UBTD2: variants seen among roughly 807,000 people sequenced by gnomAD.
UBTD2 encodes the protein ubiquitin domain containing 2, also known as ubiquitin domain-containing protein 2.
UBTD2 carries 9 observed loss-of-function variants against 19.8 expected under a neutral mutation model. The ratio of observed to expected loss-of-function variants is 0.46; its 90% CI spans 0.27 to 0.79. The LOEUF (loss-of-function observed/expected upper bound fraction) is 0.79, where lower values mean the gene tolerates loss of function less well. UBTD2 is among the 30% of genes least tolerant of loss of function. The pLI is 0.14. For synonymous variants in UBTD2, 98 were observed against 103.9 expected (o/e 0.94, Z 0.35); for missense variants, 250 against 300.4 (o/e 0.83, Z 1.24).
At chr5:172,269,912 C>T (rs1755451148) in intron 1 of UBTD2, among the ~76,000 whole-genome samples, 2 of 151,558 alleles carry the variant, frequency 1.3e-5, no homozygotes, top group South Asian at 2.1e-4. Flanking sequence ...TCCGTCTCTA[C>T]TAAAAATACA....
chr5:172,259,067 A>G (rs1755215110), intron 1 of UBTD2, among the ~76,000 whole-genome samples: 1 of 152,000 alleles, frequency 6.6e-6, no homozygotes, highest in Non-Finnish European at 1.5e-5. Context: ...ATTCAGTATG[A>G]TGTTGCTGTG....
intron 2 of UBTD2, among the ~76,000 whole-genome samples, chr5:172,224,525 A>C (rs544841646): frequency 1.7e-4 from 26 of 152,134 alleles, no homozygotes; most frequent in African/African-American, 6.0e-4. Context: ...TCCTGACTTC[A>C]AGTGACCTGC....
chr5:172,253,943 G>C (rs1340580563), intron 1 of UBTD2, among the ~76,000 whole-genome samples: 2 of 152,054 alleles, frequency 1.3e-5, no homozygotes, highest in African/African-American at 4.8e-5. Context: ...TCATTCTTTA[G>C]GTCTTACCCA....
chr5:172,282,894 C>T (rs1755747156), intron 1 of UBTD2, among the ~76,000 whole-genome samples: 1 of 152,142 alleles, frequency 6.6e-6, no homozygotes, highest in Non-Finnish European at 1.5e-5. Flanking sequence ...GTACTTTTAT[C>T]CTACATATTT....
At chr5:172,255,032 C>T in intron 1 of UBTD2, 1 of 544,460 alleles carries the variant, frequency 1.8e-6, no homozygotes, top group East Asian at 4.6e-5. Context: ...GCTCCATATT[C>T]TGTGCCAGGA....
intron 1 of UBTD2, among the ~76,000 whole-genome samples, chr5:172,251,615 C>A (rs1755021659): frequency 1.5e-5 from 2 of 131,136 alleles, no homozygotes; most frequent in African/African-American, 2.9e-5. Context: ...TGGGTATGTT[C>A]AAAGTGCAAT....
intron 1 of UBTD2, among the ~76,000 whole-genome samples, chr5:172,259,538 TA>T (rs1363271024): frequency 1.3e-5 from 2 of 151,930 alleles, no homozygotes; most frequent in African/African-American, 4.8e-5. Context: ...ATTAATACAA[TA>T]AAAAACATAT....
intron 2 of UBTD2, among the ~76,000 whole-genome samples, chr5:172,213,723 G>C (rs1232980642): frequency 6.6e-6 from 1 of 152,160 alleles, no homozygotes; most frequent in African/African-American, 2.4e-5. Flanking sequence ...GCTGAGACTA[G>C]GTGTGTAAAC....
intron 1 of UBTD2, among the ~76,000 whole-genome samples, chr5:172,240,127 T>C (rs979032638): frequency 1.8e-4 from 28 of 152,182 alleles, no homozygotes; most frequent in Non-Finnish European, 3.8e-4. Context: ...AAGGAAAAGC[T>C]AACAAAGGAG....
chr5:172,211,989 A>C lies in UBTD2; in HGVS notation c.546T>G (p.His182Gln). The C allele has an allele frequency of 6.2e-7, 1 of 1,614,254 alleles. No homozygotes were observed. Among genetic ancestry groups the C allele is most frequent in the Non-Finnish European group, 8.5e-7 (1 of 1,180,038 alleles). Reference protein sequence around the residue: ...DTVFHMKRRLHAAEGVEPGSQ... With the variant: ...DTVFHMKRRLQAAEGVEPGSQ... ...TACCTGGTTCCACTCCCTCTGCTGC[A>C]TGCAACCGTCTCTTCATGTGGAATA... The change falls in exon 3 of 3, where the codon CAT (histidine) becomes CAG (glutamine). Residue 182 changes from histidine (H) to glutamine (Q), a missense_variant. By Grantham distance (24) the His-to-Gln change is conservative. Transcript: ENST00000393792.
At chr5:172,253,299 T>C (rs778453409) in intron 1 of UBTD2, among the ~76,000 whole-genome samples, 8 of 152,192 alleles carry the variant, frequency 5.3e-5, no homozygotes, top group Non-Finnish European at 1.2e-4. Context: ...AGAAATACTA[T>C]ATTCTTGCAA....
intron 1 of UBTD2, among the ~76,000 whole-genome samples, chr5:172,275,582 C>G (rs1424463721): frequency 8.5e-5 from 13 of 152,138 alleles, no homozygotes; most frequent in Admixed American, 8.5e-4. Flanking sequence ...TTGCTTCACC[C>G]TTTATGAAAC....
intron 1 of UBTD2, among the ~76,000 whole-genome samples, chr5:172,237,666 A>G (rs926003875): frequency 3.9e-5 from 6 of 152,164 alleles, no homozygotes; most frequent in African/African-American, 1.4e-4. Flanking sequence ...AATAACTGGG[A>G]AAAAAATTAG....
chr5:172,232,697 A>AAAAAC (rs889771166), intron 2 of UBTD2, among the ~76,000 whole-genome samples: 22 of 152,070 alleles, frequency 1.4e-4, no homozygotes, highest in Admixed American at 8.5e-4. Context: ...ATGCCTCTCC[A>AAAAAC]AAAACAAAAC....
chr5:172,264,574 A>AC (rs1378494086), intron 1 of UBTD2, among the ~76,000 whole-genome samples: 2 of 150,876 alleles, frequency 1.3e-5, no homozygotes, highest in Non-Finnish European at 3.0e-5. Context: ...AAAAAAAAAA[A>AC]AACAAAACAA....
chr5:172,271,200 G>A (rs1281227607), intron 1 of UBTD2, among the ~76,000 whole-genome samples: 1 of 152,048 alleles, frequency 6.6e-6, no homozygotes, highest in Admixed American at 6.6e-5. Context: ...GGAGGCCGAG[G>A]CTGGTGGATC....
intron 1 of UBTD2, among the ~76,000 whole-genome samples, chr5:172,260,427 T>C (rs958185919): frequency 6.6e-6 from 1 of 152,192 alleles, no homozygotes; most frequent in African/African-American, 2.4e-5. Flanking sequence ...CTGTTCCTAT[T>C]GATTATTCCC....
chr5:172,269,434 T>C (rs2113118074), intron 1 of UBTD2, among the ~76,000 whole-genome samples: 1 of 147,220 alleles, frequency 6.8e-6, no homozygotes, highest in South Asian at 2.2e-4. Flanking sequence ...GAGGTTGCAG[T>C]GAGCCGAGAC....
At chr5:172,234,392 C>A (rs781295544) in intron 1 of UBTD2, 34 bp from the exon 2 acceptor site, 6 of 1,561,424 alleles carry the variant, frequency 3.8e-6, no homozygotes, top group Non-Finnish European at 5.3e-6. Flanking sequence ...AGATCAAACC[C>A]AAAATTTATA....
Sources: allele counts gnomAD v4.1 joint callset (sites outside exome capture counted in the v4.1 genomes callset), GRCh38; gene constraint gnomAD v4.1.1; transcripts MANE v1.5; gene names NCBI Gene and HGNC (gene_info 2026-07-23, HGNC 2026-07-21).